UGGT2: variants seen among roughly 807,000 people sequenced by gnomAD.
UGGT2 encodes the protein UDP-glucose:glycoprotein glucosyltransferase 2.
A neutral mutation model predicts 192.1 loss-of-function variants in UGGT2; 180 were observed. That is an observed-to-expected ratio of 0.94 (90% CI 0.83 to 1.06). The LOEUF is 1.06. UGGT2 is among the 50% of genes least tolerant of loss of function. The pLI is 0.00. For synonymous variants in UGGT2, 580 were observed against 591.0 expected (o/e 0.98, Z 0.27); for missense variants, 1,849 against 1,795.7 (o/e 1.03, Z -0.54).
chr13:95,842,545 C>T (rs1887976479), intron 36 of UGGT2, among the ~76,000 whole-genome samples: 1 of 152,084 alleles, frequency 6.6e-6, no homozygotes, highest in Non-Finnish European at 1.5e-5. Flanking sequence ...GGTATCCATT[C>T]TCTCGTGCAA....
chr13:95,904,426 T>C (rs1477764438), intron 20 of UGGT2, among the ~76,000 whole-genome samples: 2 of 147,804 alleles, frequency 1.4e-5, no homozygotes, highest in South Asian at 4.6e-4. Context: ...GTATATCTCC[T>C]AATGCTATCC....
chr13:95,992,142 G>A (rs936416504), intron 7 of UGGT2, among the ~76,000 whole-genome samples: 6 of 152,122 alleles, frequency 3.9e-5, no homozygotes, highest in African/African-American at 1.4e-4. Flanking sequence ...CAGCCTGGGT[G>A]ACAGAGCTAG....
At chr13:95,931,996 T>A (rs2049297026) in intron 17 of UGGT2, among the ~76,000 whole-genome samples, 1 of 152,220 alleles carries the variant, frequency 6.6e-6, no homozygotes, top group African/African-American at 2.4e-5. Flanking sequence ...CCTCTCAATA[T>A]GATGCCTTCA....
chr13:96,034,784 C>A (rs1189900972), intron 1 of UGGT2, among the ~76,000 whole-genome samples: 1 of 152,234 alleles, frequency 6.6e-6, no homozygotes, highest in Non-Finnish European at 1.5e-5. Context: ...GAGCTGCCCA[C>A]CCCACTGCAG....
chr13:95,830,771 T>C lies in UGGT2; in HGVS notation c.4528+2156A>G, dbSNP rs537670855. ...AATACCATTTGACCCAGCCATCCCATTACTGGGTATATACCCAAAGGATTA... is the reference window on the plus strand; with the variant it reads ...AATACCATTTGACCCAGCCATCCCACTACTGGGTATATACCCAAAGGATTA... On this transcript the variant is annotated intron_variant, in intron 38 of 38. Coordinates refer to ENST00000376747, the MANE Select transcript of UGGT2 (RefSeq NM_020121.4). 7.9e-5 allele frequency among the ~76,000 whole-genome samples: 12 copies of C among 152,332 alleles called. No individual in the cohort carries two copies. In the South Asian group the frequency reaches 2.5e-3, roughly 32 times the overall value.
chr13:96,000,421 A>AT (rs1369316642), intron 5 of UGGT2, among the ~76,000 whole-genome samples: 3 of 152,194 alleles, frequency 2.0e-5, no homozygotes, highest in Non-Finnish European at 2.9e-5. Context: ...ATTCAGACAA[A>AT]TACTTAACAT....
intron 1 of UGGT2, among the ~76,000 whole-genome samples, chr13:96,039,896 CAT>C (rs1289465589): frequency 6.6e-6 from 1 of 152,166 alleles, no homozygotes. Flanking sequence ...CTTCAATGTT[CAT>C]ATTTCTACTG....
At chr13:95,911,677 T>C (rs1372811260) in intron 20 of UGGT2, among the ~76,000 whole-genome samples, 1 of 151,900 alleles carries the variant, frequency 6.6e-6, no homozygotes, top group East Asian at 1.9e-4. Context: ...CTGGTACCAT[T>C]CCCTCTGAAA....
chr13:95,815,896 G>A (rs917261876), intron 38 of UGGT2, among the ~76,000 whole-genome samples: 2 of 152,176 alleles, frequency 1.3e-5, no homozygotes, highest in African/African-American at 4.8e-5. Flanking sequence ...CTCATGAATG[G>A]GTTAGCAGCA....
At chr13:96,005,434 C>CA (rs1325885427) in intron 5 of UGGT2, among the ~76,000 whole-genome samples, 1 of 152,174 alleles carries the variant, frequency 6.6e-6, no homozygotes, top group Non-Finnish European at 1.5e-5. Flanking sequence ...AGAAAGCTTC[C>CA]ACTCTAATGG....
intron 20 of UGGT2, among the ~76,000 whole-genome samples, chr13:95,912,659 T>C (rs1225951332): frequency 6.6e-6 from 1 of 152,198 alleles, no homozygotes; most frequent in East Asian, 1.9e-4. Context: ...ATGGCAGCAC[T>C]GCCCAAGGTA....
intron 34 of UGGT2, 93 bp downstream of exon 34, chr13:95,856,065 A>G (rs1889580119): frequency 1.9e-6 from 2 of 1,062,704 alleles, no homozygotes; most frequent in African/African-American, 1.6e-5. Context: ...TAATGAAGAT[A>G]ATAAACATGA....
At chr13:95,832,784 A>G in intron 38 of UGGT2, 143 bp downstream of exon 38, 1 of 1,276,034 alleles carries the variant, frequency 7.8e-7, no homozygotes, top group South Asian at 1.2e-5. Flanking sequence ...TCTACACAAA[A>G]ATACACCTTT....
chr13:95,940,340 CATT>C (rs1192910160), intron 15 of UGGT2, among the ~76,000 whole-genome samples: 7 of 151,746 alleles, frequency 4.6e-5, no homozygotes, highest in Middle Eastern at 3.4e-3. Context: ...AACCAGACAC[CATT>C]ATTCTTAATA....
intron 2 of UGGT2, among the ~76,000 whole-genome samples, chr13:96,030,053 G>A (rs957588163): frequency 9.2e-5 from 14 of 152,250 alleles, no homozygotes; most frequent in African/African-American, 2.6e-4. Context: ...GAGGACAACA[G>A]ACAGTAATTT....
intron 12 of UGGT2, among the ~76,000 whole-genome samples, chr13:95,960,458 A>G (rs2050352882): frequency 6.9e-6 from 1 of 144,000 alleles, no homozygotes; most frequent in Non-Finnish European, 1.6e-5. Context: ...AGTAGAATCA[A>G]GAATCTCAGA....
At chr13:95,934,069 T>C (rs1271758814) in intron 17 of UGGT2, among the ~76,000 whole-genome samples, 1 of 152,202 alleles carries the variant, frequency 6.6e-6, no homozygotes. Context: ...CGTATGTTGT[T>C]TGTTTTCATT....
Position 95,949,331 on chromosome 13 carries a change from T to A in UGGT2, c.1455+4A>T, listed in dbSNP as rs766376877. On this transcript the variant is annotated splice_donor_region_variant and intron_variant, in intron 13 of 38. Transcript: ENST00000376747. The stretch of plus-strand genomic sequence containing the variant: ...TATATGTATAATCAAAATATAAAAC[T>A]CACCAAATTATGAAAATTGCGCCTT... 3.3e-6 allele frequency: 5 copies of A among 1,528,788 alleles called. No homozygotes were observed. The Admixed American group carries it at 1.0e-4, about 32-fold the overall frequency. 94.7% of individuals were successfully genotyped at this position (1,528,788 alleles called of 1,614,324 possible).
At chr13:96,005,790 GTAAA>G in intron 5 of UGGT2, among the ~76,000 whole-genome samples, 1 of 152,186 alleles carries the variant, frequency 6.6e-6, no homozygotes, top group Non-Finnish European at 1.5e-5. Context: ...CAAGGGTTGA[GTAAA>G]GATAACGCTG....
Sources: gnomAD v4.1 joint callset for allele counts (sites outside exome capture counted in the v4.1 genomes callset) on GRCh38, gnomAD v4.1.1 for gene constraint, MANE v1.5 for transcripts, NCBI Gene and HGNC (gene_info 2026-07-23, HGNC 2026-07-21) for gene names.